The following SLC15A4 variants were observed in gnomAD, a reference collection of about 807,000 sequenced individuals.
The protein encoded by SLC15A4 is solute carrier family 15 member 4.
Under a neutral mutation model 46.1 loss-of-function variants are expected in SLC15A4, and 26 were observed. That is an observed-to-expected ratio of 0.56 (90% CI 0.41 to 0.78). The LOEUF (loss-of-function observed/expected upper bound fraction) is 0.78. Ranked by LOEUF, SLC15A4 falls within the 30% of genes least tolerant of loss-of-function variation. SLC15A4 has a pLI of 0.00. For synonymous variants in SLC15A4, 370 were observed against 333.4 expected, an observed-to-expected ratio of 1.11 and a Z score of -1.20; for missense variants, 751 against 755.7, an observed-to-expected ratio of 0.99 and a Z score of 0.07.
chr12:128,821,825 G>A (rs1023420894), intron 1 of SLC15A4, among the ~76,000 whole-genome samples: 4 of 150,904 alleles, frequency 2.7e-5, no homozygotes, highest in African/African-American at 4.9e-5. Context: ...GGTGAAGGTT[G>A]CAGTGAGCTG....
Position 128,796,935 on chromosome 12 carries a change from G to A in SLC15A4, c.1573+2324C>T, listed in dbSNP as rs146196913. 5.4e-3 allele frequency among the ~76,000 whole-genome samples: 819 copies of A among 152,282 alleles called. 23 individuals carry two copies. The highest frequency in any genetic ancestry group is 0.041 in the Admixed American group (622 of 15,298). ...GGGAGTGGAGGTGCGGTCCAAGCCCGCAGGCAGACACACCACGCCTCGTCA... is the reference window on the plus strand; with the variant it reads ...GGGAGTGGAGGTGCGGTCCAAGCCCACAGGCAGACACACCACGCCTCGTCA... On this transcript the variant is annotated intron_variant, in intron 7 of 7. Coordinates refer to ENST00000266771, the MANE Select transcript of SLC15A4 (RefSeq NM_145648.4).
At chr12:128,803,478 A>G (rs1020950926) in intron 5 of SLC15A4, among the ~76,000 whole-genome samples, 1 of 152,182 alleles carries the variant, frequency 6.6e-6, no homozygotes, top group African/African-American at 2.4e-5. Flanking sequence ...TTTGAAGATG[A>G]GGAAAATGAG....
Position 128,823,762 on chromosome 12 carries a change from A to C in SLC15A4, c.182T>G (p.Phe61Cys), listed in dbSNP as rs1955891332. 6.5e-7 allele frequency: 1 copy of C among 1,537,142 alleles called. No individual in the cohort carries two copies. The highest frequency in any genetic ancestry group is 1.4e-5 in the African/African-American group (1 of 70,672). Residue 61 changes from phenylalanine to cysteine, a missense_variant, in exon 1 of 8, where the codon TTC (phenylalanine) becomes TGC (cysteine). Coordinates refer to ENST00000266771, the MANE Select transcript of SLC15A4 (RefSeq NM_145648.4). Reference protein sequence around the residue: ...FYGITSNLVLFLNGAPFCWEG... With the variant: ...FYGITSNLVLCLNGAPFCWEG... ...CCAGCAGAACGGCGCCCCGTTCAGGAATAGCACCAGGTTGGACGTGATGCC... is the reference window on the plus strand; with the variant it reads ...CCAGCAGAACGGCGCCCCGTTCAGGCATAGCACCAGGTTGGACGTGATGCC...
Position 128,822,508 on chromosome 12 carries a change from G to A in SLC15A4, c.546+890C>T, listed in dbSNP as rs553734565. On this transcript the variant is annotated intron_variant, in intron 1 of 7. Coordinates refer to ENST00000266771, the MANE Select transcript of SLC15A4 (RefSeq NM_145648.4). ...CTAGCCTTCTGGTCTGAACTTACAG[G>A]GCCTGAACATAGAAGGGTCCCGTTC... 2.0e-5 allele frequency among the ~76,000 whole-genome samples: 3 copies of A among 152,178 alleles called. No individual in the cohort carries two copies. The South Asian group carries it at 6.3e-4, about 32-fold the overall frequency.
rs537166639 is a variant in SLC15A4 at position 128,794,854 on chromosome 12, A to G, written c.1574-498T>C. ...CCCCCACACCAGAACAGCTGGGCAA[A>G]GTAAAAAATTACCTTCCTGTGTTCT... On this transcript the variant is annotated intron_variant, in intron 7 of 7. Coordinates refer to ENST00000266771, the MANE Select transcript of SLC15A4 (RefSeq NM_145648.4). Among the ~76,000 whole-genome samples, 10 of 152,222 alleles carry G rather than the reference A, an allele frequency of 6.6e-5. No homozygotes were observed. In the South Asian group the frequency reaches 2.1e-3, roughly 32 times the overall value.
intron 5 of SLC15A4, among the ~76,000 whole-genome samples, chr12:128,808,139 C>T (rs534769442): frequency 1.8e-4 from 28 of 152,242 alleles, no homozygotes; most frequent in Admixed American, 7.2e-4. Context: ...GTCAGCAATA[C>T]CCAGCTTTAT....
chr12:128,816,138 T>C (rs780251391), intron 1 of SLC15A4, among the ~76,000 whole-genome samples: 11 of 152,180 alleles, frequency 7.2e-5, no homozygotes, highest in Non-Finnish European at 1.3e-4. Context: ...ACAAAAGCAC[T>C]GAGGTAATAA....
chr12:128,813,708 T>A (rs1040085396), intron 2 of SLC15A4: 1 of 152,144 alleles, frequency 6.6e-6, no homozygotes, highest in African/African-American at 2.4e-5. Flanking sequence ...GGCTGAGTGA[T>A]CAGCCTCCCA....
chr12:128,820,138 C>T (rs1301406732), intron 1 of SLC15A4, among the ~76,000 whole-genome samples: 1 of 152,214 alleles, frequency 6.6e-6, no homozygotes, highest in East Asian at 1.9e-4. Flanking sequence ...GACTGTGCTA[C>T]CAGCCCCGTT....
chr12:128,801,115 G>A (rs1476263311), intron 5 of SLC15A4, 106 bp from the exon 6 acceptor site: 5 of 1,069,420 alleles, frequency 4.7e-6, no homozygotes, highest in Admixed American at 2.6e-5. Context: ...TGATTCTGAT[G>A]CGTGAAAGGA....
intron 1 of SLC15A4, among the ~76,000 whole-genome samples, chr12:128,822,025 A>G (rs1955848848): frequency 6.6e-6 from 1 of 152,186 alleles, no homozygotes. Context: ...GCTGGAACCC[A>G]GTAAAGCTCT....
chr12:128,818,450 G>A (rs1453994864), intron 1 of SLC15A4, among the ~76,000 whole-genome samples: 2 of 152,126 alleles, frequency 1.3e-5, no homozygotes, highest in African/African-American at 4.8e-5. Flanking sequence ...ACCAAACCAG[G>A]ACAAATTAAC....
In SLC15A4 at chr12:128,793,996, C is replaced by T; in HGVS notation, c.*200G>A. ...TCTGCAGCTCTCCTCCCGGAGGGCC[C>T]AGCGTGCCAGGAGACACGCTGCAGT... On this transcript the variant is annotated 3_prime_UTR_variant, in exon 8 of 8. Coordinates refer to ENST00000266771, the MANE Select transcript of SLC15A4 (RefSeq NM_145648.4). The T allele has an allele frequency of 4.6e-6, 2 of 435,404 alleles. No homozygotes were observed. The highest frequency in any genetic ancestry group is 8.1e-6 in the Non-Finnish European group (2 of 247,482). 27.0% of individuals were successfully genotyped at this position (435,404 alleles called of 1,614,324 possible).
intron 2 of SLC15A4, chr12:128,810,429 C>A (rs1042749981): frequency 3.2e-6 from 1 of 310,020 alleles, no homozygotes; most frequent in South Asian, 3.5e-5. Context: ...GCTGCCAGCT[C>A]GGCAATCTCC....
chr12:128,807,257 G>A (rs1486993154), intron 5 of SLC15A4, among the ~76,000 whole-genome samples: 1 of 152,164 alleles, frequency 6.6e-6, no homozygotes, highest in Non-Finnish European at 1.5e-5. Context: ...TCTCAACAGT[G>A]ACTGGTCTGG....
chr12:128,812,043 G>T (rs7974764), intron 2 of SLC15A4, among the ~76,000 whole-genome samples: 1 of 151,956 alleles, frequency 6.6e-6, no homozygotes, highest in Non-Finnish European at 1.5e-5. Flanking sequence ...GCCGCATGTA[G>T]GTGTGTGTAT....
At chr12:128,820,497 C>T (rs550535689) in intron 1 of SLC15A4, among the ~76,000 whole-genome samples, 34 of 152,208 alleles carry the variant, frequency 2.2e-4, no homozygotes, top group Non-Finnish European at 3.8e-4. Flanking sequence ...CTGACTGTAA[C>T]GGATAGCCTT....
chr12:128,814,254 T>TGTATGATGGACCTGAGCGCC (rs1566055209), intron 2 of SLC15A4: 49 of 71,372 alleles, frequency 6.9e-4, no homozygotes, highest in Middle Eastern at 4.8e-3. Context: ...ACCTGACCGC[T>TGTATGATGGACCTGAGCGCC]GTATGATGGA....
intron 1 of SLC15A4, among the ~76,000 whole-genome samples, chr12:128,821,556 T>G (rs1420629596): frequency 6.6e-6 from 1 of 152,202 alleles, no homozygotes; most frequent in Admixed American, 6.5e-5. Context: ...CATAAAATTT[T>G]CACTGGTCAC....
Sources: allele counts gnomAD v4.1 joint callset (sites outside exome capture counted in the v4.1 genomes callset), GRCh38; gene constraint gnomAD v4.1.1; transcripts MANE v1.5; gene names NCBI Gene and HGNC (gene_info 2026-07-23, HGNC 2026-07-21).